Variants in TALDO1 observed in about 807,000 individuals in gnomAD.
The protein encoded by TALDO1 is transaldolase.
Under a neutral mutation model 38.1 loss-of-function variants are expected in TALDO1, and 29 were observed. The observed-to-expected ratio is 0.76, with a 90% CI of 0.57 to 1.04. The LOEUF is 1.04. Among genes scored for constraint, TALDO1 ranks in the 50% least tolerant of loss-of-function variants. TALDO1 has a pLI of 0.00. For missense variants in TALDO1, 499 were observed against 438.1 expected (o/e 1.14, Z -1.24); for synonymous variants, 207 against 176.8 (o/e 1.17, Z -1.36).
At chr11:760,395 C>A in intron 4 of TALDO1, 142 bp downstream of exon 4, 1 of 1,235,402 alleles carries the variant, frequency 8.1e-7, no homozygotes, top group Non-Finnish European at 1.1e-6. Context: ...TGGACTTGAC[C>A]AGCTCATGTC....
intron 1 of TALDO1, among the ~76,000 whole-genome samples, chr11:754,936 A>C (rs930579400): frequency 1.3e-5 from 2 of 152,134 alleles, no homozygotes; most frequent in African/African-American, 2.4e-5. Flanking sequence ...ACACCTGGCT[A>C]ATTTAGTCTT....
chr11:760,082 C>T (rs780875326), intron 3 of TALDO1, 40 bp from the exon 4 acceptor site: 5 of 1,612,340 alleles, frequency 3.1e-6, no homozygotes, highest in Middle Eastern at 1.8e-4. Context: ...GGTGGGCAAC[C>T]TGCGTGATCT....
intron 4 of TALDO1, among the ~76,000 whole-genome samples, chr11:761,440 C>A (rs1862922772): frequency 6.6e-6 from 1 of 151,812 alleles, no homozygotes; most frequent in Non-Finnish European, 1.5e-5. Context: ...AGTTGAGGTT[C>A]CAGTAGCTAT....
At chr11:756,042 G>GTGCT (rs764162804) in intron 2 of TALDO1, 40 bp downstream of exon 2, 20 of 1,599,292 alleles carry the variant, frequency 1.3e-5, no homozygotes, top group Non-Finnish European at 1.6e-5. Context: ...CTAGGCCCTC[G>GTGCT]TGCTAGTCTA....
At chr11:758,252 C>T (rs1324526726) in intron 2 of TALDO1, among the ~76,000 whole-genome samples, 1 of 152,080 alleles carries the variant, frequency 6.6e-6, no homozygotes, top group African/African-American at 2.4e-5. Flanking sequence ...CACTGCACTC[C>T]AGCCTGGGCG....
chr11:763,224 CGCCCT>C, intron 4 of TALDO1, 115 bp from the exon 5 acceptor site: 2 of 145,670 alleles, frequency 1.4e-5, no homozygotes, highest in Admixed American at 7.2e-5. Flanking sequence ...CACCTGCCCC[CGCCCT>C]CACCCGCCCC....
At chr11:749,401 C>CAAAA (rs374829411) in intron 1 of TALDO1, among the ~76,000 whole-genome samples, 5 of 110,770 alleles carry the variant, frequency 4.5e-5, no homozygotes, top group East Asian at 5.4e-4. Context: ...AACTCCGTCT[C>CAAAA]AAAAAAAAAA....
intron 7 of TALDO1, 69 bp downstream of exon 7, chr11:764,502 C>T (rs1308603276): frequency 6.3e-7 from 1 of 1,577,786 alleles, no homozygotes; most frequent in African/African-American, 1.4e-5. Context: ...CGTCGGGGTT[C>T]AAGCTGGGCA....
chr11:754,983 G>C (rs1862807938), intron 1 of TALDO1, among the ~76,000 whole-genome samples: 1 of 152,134 alleles, frequency 6.6e-6, no homozygotes, highest in African/African-American at 2.4e-5. Context: ...GTGAGTGATA[G>C]CAGTGGATAA....
chr11:760,502 G>A, intron 4 of TALDO1: 1 of 515,696 alleles, frequency 1.9e-6, no homozygotes. Context: ...CCACTCAGCA[G>A]AGAAGAAAAG....
At position 763,767 on chromosome 11, in the gene TALDO1, A is replaced by G; in HGVS notation, c.658A>G (p.Ile220Val). 1 of 1,614,000 alleles carries G rather than the reference A, an allele frequency of 6.2e-7. No individual in the cohort carries two copies. ...TCCAGGGGTAAAGAGTGTCACTAAA[A>G]TCTACAACTACTACAAGAAGTTTAG... ...EDPGVKSVTK[I>V]YNYYKKFSYK... Residue 220 changes from isoleucine to valine, a missense_variant, in exon 6 of 8, where the codon ATC (isoleucine) becomes GTC (valine). By Grantham distance (29) the Ile-to-Val change is conservative. Transcript: ENST00000319006.
intron 4 of TALDO1, among the ~76,000 whole-genome samples, chr11:761,649 C>T (rs114780497): frequency 1.0e-3 from 154 of 152,330 alleles, no homozygotes; most frequent in African/African-American, 3.6e-3. Flanking sequence ...TTTGTTTCCA[C>T]ATCTGTGTGT....
At chr11:764,715 CCCA>C (rs1286686379) in intron 7 of TALDO1, 95 bp from the exon 8 acceptor site, 1 of 1,587,282 alleles carries the variant, frequency 6.3e-7, no homozygotes, top group Non-Finnish European at 8.6e-7. Flanking sequence ...GAGTGCAGAC[CCCA>C]CAAGGGCCTC....
intron 1 of TALDO1, 105 bp downstream of exon 1, chr11:747,683 GC>G: frequency 9.9e-7 from 1 of 1,007,728 alleles, no homozygotes; most frequent in East Asian, 3.0e-5. Flanking sequence ...GGGTGGCGGT[GC>G]CCCGGGCGGC....
At chr11:762,327 T>C (rs528927134) in intron 4 of TALDO1, among the ~76,000 whole-genome samples, 1 of 152,344 alleles carries the variant, frequency 6.6e-6, no homozygotes, top group South Asian at 2.1e-4. Context: ...GTTATTCATC[T>C]GTTGGTGGAC....
At chr11:763,203 T>TG in intron 4 of TALDO1, 141 bp from the exon 5 acceptor site, 8 of 103,852 alleles carry the variant, frequency 7.7e-5, no homozygotes, top group South Asian at 1.5e-4. Flanking sequence ...CGCCCTCACC[T>TG]GCCCCGCCCT....
intron 4 of TALDO1, among the ~76,000 whole-genome samples, chr11:762,474 C>T (rs1374135788): frequency 6.6e-6 from 1 of 152,114 alleles, no homozygotes; most frequent in Non-Finnish European, 1.5e-5. Flanking sequence ...CACAGATGTG[C>T]AAGTTTTGTC....
At chr11:753,251 G>C (rs1862777525) in intron 1 of TALDO1, among the ~76,000 whole-genome samples, 1 of 152,026 alleles carries the variant, frequency 6.6e-6, no homozygotes, top group Admixed American at 6.6e-5. Flanking sequence ...AAAAAAAAAG[G>C]CCGGGTGTGG....
At chr11:751,838 A>T (rs932470314) in intron 1 of TALDO1, among the ~76,000 whole-genome samples, 1 of 152,016 alleles carries the variant, frequency 6.6e-6, no homozygotes, top group African/African-American at 2.4e-5. Context: ...CCTCATTTTG[A>T]TGGTAATTGA....
Sources: allele counts gnomAD v4.1 joint callset (sites outside exome capture counted in the v4.1 genomes callset), GRCh38; gene constraint gnomAD v4.1.1; transcripts MANE v1.5; gene names NCBI Gene and HGNC (gene_info 2026-07-23, HGNC 2026-07-21).